The following XRCC4 variants were observed in gnomAD, a reference collection of about 807,000 sequenced individuals.
The protein encoded by XRCC4 is X-ray repair cross complementing 4.
A neutral mutation model predicts 39.1 loss-of-function variants in XRCC4; 28 were observed. The observed-to-expected ratio is 0.72, with a 90% confidence interval of 0.53 to 0.98. The LOEUF (loss-of-function observed/expected upper bound fraction) is 0.98. Among genes scored for constraint, XRCC4 ranks in the 50% least tolerant of loss-of-function variants. The pLI is 0.00. For missense variants in XRCC4, 350 were observed against 376.4 expected, an observed-to-expected ratio of 0.93 and a Z score of 0.58; for synonymous variants, 123 against 126.4, an observed-to-expected ratio of 0.97 and a Z score of 0.18.
chr5:83,106,079 A>G (rs1746185443), intron 2 of XRCC4, among the ~76,000 whole-genome samples: 2 of 152,140 alleles, frequency 1.3e-5, no homozygotes, highest in Non-Finnish European at 2.9e-5. Context: ...TTCAGGGGTA[A>G]TATTTGCAGT....
intron 1 of XRCC4, among the ~76,000 whole-genome samples, chr5:83,090,303 TAAATC>T (rs1161595748): frequency 6.6e-6 from 1 of 150,882 alleles, no homozygotes; most frequent in African/African-American, 2.5e-5. Flanking sequence ...TGATAGTGAA[TAAATC>T]TCACGAGATC....
chr5:83,203,740 T>C lies in XRCC4; in HGVS notation c.638+33T>C, dbSNP rs761874158. On this transcript the variant is annotated intron_variant, in intron 5 of 7. Transcript: ENST00000396027. The stretch of plus-strand genomic sequence containing the variant: ...CGCTATCTTGTTTTTGGATGACAGA[T>C]GAATACATTTAAGTGGAATTTCTTC... The C allele has an allele frequency of 3.1e-6, 5 of 1,602,976 alleles. No individual in the cohort carries two copies. In the South Asian group the frequency reaches 4.5e-5, roughly 15 times the overall value.
At chr5:83,086,926 G>A (rs1210800686) in intron 1 of XRCC4, among the ~76,000 whole-genome samples, 1 of 152,098 alleles carries the variant, frequency 6.6e-6, no homozygotes, top group Non-Finnish European at 1.5e-5. Context: ...TGATCTTTAT[G>A]TTCTTGAATG....
At chr5:83,259,946 T>G (rs993882384) in intron 7 of XRCC4, among the ~76,000 whole-genome samples, 17 of 152,050 alleles carry the variant, frequency 1.1e-4, no homozygotes, top group Non-Finnish European at 2.2e-4. Context: ...TGGGAACATG[T>G]TTTAGTTTCT....
chr5:83,326,338 C>T (rs552919150), intron 7 of XRCC4, among the ~76,000 whole-genome samples: 2 of 152,076 alleles, frequency 1.3e-5, no homozygotes, highest in Non-Finnish European at 2.9e-5. Context: ...GTTGCTATGT[C>T]CTGAATTGTA....
At chr5:83,149,623 A>T (rs1181697114) in intron 3 of XRCC4, among the ~76,000 whole-genome samples, 2 of 152,116 alleles carry the variant, frequency 1.3e-5, no homozygotes, top group East Asian at 3.9e-4. Context: ...GTTCAACTCA[A>T]TGTAGTATTT....
chr5:83,171,311 A>G (rs1749711268), intron 3 of XRCC4, among the ~76,000 whole-genome samples: 1 of 152,156 alleles, frequency 6.6e-6, no homozygotes, highest in Non-Finnish European at 1.5e-5. Flanking sequence ...GAGCATTTCT[A>G]AAATGCAGAT....
intron 1 of XRCC4, among the ~76,000 whole-genome samples, chr5:83,088,844 C>T (rs1015692975): frequency 6.6e-6 from 1 of 152,092 alleles, no homozygotes; most frequent in Non-Finnish European, 1.5e-5. Context: ...AATTTGACTT[C>T]ATTTTCACTT....
chr5:83,345,285 A>G (rs1040981979), intron 7 of XRCC4, among the ~76,000 whole-genome samples: 1 of 152,084 alleles, frequency 6.6e-6, no homozygotes, highest in Non-Finnish European at 1.5e-5. Context: ...AAACTTTCTT[A>G]TTTCAAGGTA....
chr5:83,286,208 G>A (rs919690118), intron 7 of XRCC4, among the ~76,000 whole-genome samples: 2 of 152,078 alleles, frequency 1.3e-5, no homozygotes, highest in Non-Finnish European at 2.9e-5. Flanking sequence ...TCAACTTCGT[G>A]TCTGAAGTGT....
intron 2 of XRCC4, among the ~76,000 whole-genome samples, chr5:83,108,581 A>G (rs975995845): frequency 6.6e-6 from 1 of 151,856 alleles, no homozygotes; most frequent in Non-Finnish European, 1.5e-5. Context: ...GAATGATTAC[A>G]TATTTTCAGA....
At chr5:83,335,521 A>G (rs1756567807) in intron 7 of XRCC4, among the ~76,000 whole-genome samples, 1 of 151,980 alleles carries the variant, frequency 6.6e-6, no homozygotes, top group Non-Finnish European at 1.5e-5. Flanking sequence ...TGGATTTTTA[A>G]TCCTATAAAT....
chr5:83,267,762 CT>C (rs1291190844), intron 7 of XRCC4, among the ~76,000 whole-genome samples: 1 of 152,028 alleles, frequency 6.6e-6, no homozygotes, highest in Non-Finnish European at 1.5e-5. Context: ...GTTTTGTTCT[CT>C]TTGTTAGAGA....
chr5:83,306,710 C>A (rs778959408), intron 7 of XRCC4, among the ~76,000 whole-genome samples: 14 of 152,196 alleles, frequency 9.2e-5, no homozygotes, highest in Non-Finnish European at 1.9e-4. Flanking sequence ...CACACAAGCA[C>A]TGTCCCTCCC....
chr5:83,269,269 T>G (rs372876820), intron 7 of XRCC4, among the ~76,000 whole-genome samples: 45 of 152,140 alleles, frequency 3.0e-4, no homozygotes, highest in African/African-American at 1.1e-3. Context: ...ATAGTAATGA[T>G]GTACCTACTG....
At chr5:83,106,086 C>A (rs1204528943) in intron 2 of XRCC4, among the ~76,000 whole-genome samples, 2 of 152,044 alleles carry the variant, frequency 1.3e-5, no homozygotes, top group East Asian at 3.9e-4. Context: ...GTAATATTTG[C>A]AGTACTTATT....
chr5:83,202,822 A>G (rs1169996755), intron 4 of XRCC4, among the ~76,000 whole-genome samples: 1 of 152,180 alleles, frequency 6.6e-6, no homozygotes, highest in Non-Finnish European at 1.5e-5. Flanking sequence ...TTCTTTATAT[A>G]TCTCTTGGGA....
At chr5:83,174,508 G>C (rs1292303744) in intron 3 of XRCC4, among the ~76,000 whole-genome samples, 1 of 152,092 alleles carries the variant, frequency 6.6e-6, no homozygotes, top group Non-Finnish European at 1.5e-5. Flanking sequence ...ATGAAATGTG[G>C]TTACTAAATT....
At chr5:83,275,404 C>T (rs2112938822) in intron 7 of XRCC4, among the ~76,000 whole-genome samples, 1 of 150,850 alleles carries the variant, frequency 6.6e-6, no homozygotes, top group East Asian at 2.0e-4. Flanking sequence ...ACGCCATTCT[C>T]CTGCCTCAGC....
Sources: allele counts gnomAD v4.1 joint callset (sites outside exome capture counted in the v4.1 genomes callset), GRCh38; gene constraint gnomAD v4.1.1; transcripts MANE v1.5; gene names NCBI Gene and HGNC (gene_info 2026-07-23, HGNC 2026-07-21).